Variants in B3GALT1 observed in about 807,000 individuals in gnomAD.
B3GALT1 encodes the protein beta-1,3-galactosyltransferase 1.
B3GALT1 carries 10 observed loss-of-function variants against 23.2 expected under a neutral mutation model. The ratio of observed to expected loss-of-function variants is 0.43; its 90% CI spans 0.27 to 0.73. The LOEUF is 0.73. Among genes scored for constraint, B3GALT1 ranks in the 30% least tolerant of loss-of-function variants. The pLI is 0.21. For missense variants in B3GALT1, 299 were observed against 405.4 expected (o/e 0.74, Z 2.25); for synonymous variants, 156 against 141.5 (o/e 1.10, Z -0.73).
At chr2:167,601,564 A>C (rs114013568) in intron 2 of B3GALT1, among the ~76,000 whole-genome samples, 1,845 of 152,334 alleles carry the variant, frequency 0.012, 46 homozygotes, top group African/African-American at 0.042. Flanking sequence ...TATGGTGTCC[A>C]TTTATTGACC....
intron 2 of B3GALT1, among the ~76,000 whole-genome samples, chr2:167,556,116 C>T (rs1029250581): frequency 6.6e-6 from 1 of 152,044 alleles, no homozygotes; most frequent in Non-Finnish European, 1.5e-5. Context: ...AATAAAGCAT[C>T]ACATTTTCAA....
chr2:167,722,986 TA>T (rs2105257565), intron 3 of B3GALT1, among the ~76,000 whole-genome samples: 1 of 152,316 alleles, frequency 6.6e-6, no homozygotes, highest in Admixed American at 6.5e-5. Flanking sequence ...TCCTTACAGG[TA>T]AAAATTCTAC....
At chr2:167,386,490 G>T (rs997340005) in intron 1 of B3GALT1, among the ~76,000 whole-genome samples, 5 of 152,100 alleles carry the variant, frequency 3.3e-5, no homozygotes, top group African/African-American at 7.2e-5. Flanking sequence ...TAACAATGCA[G>T]CTATCTCCTG....
chr2:167,845,697 A>G (rs906999890), intron 4 of B3GALT1, among the ~76,000 whole-genome samples: 1 of 151,426 alleles, frequency 6.6e-6, no homozygotes, highest in African/African-American at 2.4e-5. Context: ...GCTCTTTAAC[A>G]CCGCGCCCCC....
At chr2:167,792,946 C>T (rs1219558703) in intron 3 of B3GALT1, among the ~76,000 whole-genome samples, 2 of 150,900 alleles carry the variant, frequency 1.3e-5, no homozygotes, top group Non-Finnish European at 2.9e-5. Context: ...TGACTACTCA[C>T]TTATGTGGTT....
intron 3 of B3GALT1, among the ~76,000 whole-genome samples, chr2:167,789,965 C>G (rs1039431623): frequency 1.3e-5 from 2 of 152,138 alleles, no homozygotes; most frequent in African/African-American, 2.4e-5. Context: ...ACCACCACCC[C>G]GCAAAGACAG....
At chr2:167,700,273 T>C (rs1325614228) in intron 3 of B3GALT1, among the ~76,000 whole-genome samples, 1 of 152,170 alleles carries the variant, frequency 6.6e-6, no homozygotes, top group East Asian at 1.9e-4. Flanking sequence ...TGTATAGTTA[T>C]TGCCATATGA....
At chr2:167,402,472 C>T (rs1351330197) in intron 1 of B3GALT1, among the ~76,000 whole-genome samples, 1 of 152,080 alleles carries the variant, frequency 6.6e-6, no homozygotes, top group Non-Finnish European at 1.5e-5. Context: ...TGAACCTCTA[C>T]TCTGGTCTCA....
chr2:167,511,493 C>T (rs929456682), intron 2 of B3GALT1, among the ~76,000 whole-genome samples: 1 of 152,102 alleles, frequency 6.6e-6, no homozygotes, highest in African/African-American at 2.4e-5. Flanking sequence ...GCCTCCTGAG[C>T]CCTGTGGAAC....
intron 2 of B3GALT1, among the ~76,000 whole-genome samples, chr2:167,582,258 C>T (rs1162528781): frequency 6.6e-6 from 1 of 151,008 alleles, no homozygotes; most frequent in Non-Finnish European, 1.5e-5. Context: ...CACCCTGAAG[C>T]AAAAAAAAAT....
At chr2:167,365,228 A>G (rs1697568441) in intron 1 of B3GALT1, among the ~76,000 whole-genome samples, 1 of 152,138 alleles carries the variant, frequency 6.6e-6, no homozygotes. Context: ...CTCTTCATAG[A>G]TCAGAAACTG....
intron 2 of B3GALT1, among the ~76,000 whole-genome samples, chr2:167,537,825 CTT>C (rs530916294): frequency 2.6e-4 from 35 of 132,840 alleles, no homozygotes; most frequent in Admixed American, 3.1e-4. Context: ...GATGCTTGTT[CTT>C]TTTTTTTTTT....
chr2:167,839,870 C>T (rs796860924), intron 4 of B3GALT1, among the ~76,000 whole-genome samples: 8,323 of 151,852 alleles, frequency 0.055, 67 homozygotes, highest in South Asian at 0.077. Flanking sequence ...TCAGAAATAA[C>T]GCCGCATATC....
intron 1 of B3GALT1, among the ~76,000 whole-genome samples, chr2:167,423,620 G>A (rs981872793): frequency 2.0e-5 from 3 of 152,090 alleles, no homozygotes; most frequent in Non-Finnish European, 4.4e-5. Flanking sequence ...CTCATGATTT[G>A]TTGTCATTGT....
intron 2 of B3GALT1, among the ~76,000 whole-genome samples, chr2:167,546,625 G>T (rs1200324403): frequency 6.6e-6 from 1 of 152,020 alleles, no homozygotes; most frequent in Non-Finnish European, 1.5e-5. Context: ...TACACAAAGG[G>T]AATTGAACAG....
At chr2:167,369,585 A>T (rs897387749) in intron 1 of B3GALT1, among the ~76,000 whole-genome samples, 2 of 152,186 alleles carry the variant, frequency 1.3e-5, no homozygotes, top group African/African-American at 4.8e-5. Context: ...GAGTAAAAAT[A>T]TATACCTTAC....
intron 4 of B3GALT1, among the ~76,000 whole-genome samples, chr2:167,829,848 C>G (rs868564063): frequency 2.0e-5 from 3 of 151,980 alleles, no homozygotes; most frequent in Non-Finnish European, 4.4e-5. Flanking sequence ...CATAGCAGGG[C>G]GAGTGCTCCA....
chr2:167,825,616 T>C (rs1251982529), intron 4 of B3GALT1, among the ~76,000 whole-genome samples: 1 of 152,040 alleles, frequency 6.6e-6, no homozygotes, highest in Non-Finnish European at 1.5e-5. Context: ...AGCACCTTTT[T>C]CATTTTCACT....
In B3GALT1 at chr2:167,496,460, G is replaced by A. The variant is rs1318716380; in HGVS notation, c.-410+6183G>A. On this transcript the variant is annotated intron_variant, in intron 2 of 4. Coordinates refer to ENST00000392690, the MANE Select transcript of B3GALT1 (RefSeq NM_020981.4). ...TTAGCATGCTAATTGGCTAATTACC[G>A]TGAGAAGAAACTTAGACTAGGCTGT... Among the ~76,000 whole-genome samples the A allele has an allele frequency of 4.6e-5, 7 of 152,244 alleles. 1 individual carries two copies. In the South Asian group the frequency reaches 6.2e-4, roughly 14 times the overall value.
Sources: gnomAD v4.1 joint callset for allele counts (sites outside exome capture counted in the v4.1 genomes callset) on GRCh38, gnomAD v4.1.1 for gene constraint, MANE v1.5 for transcripts, NCBI Gene and HGNC (gene_info 2026-07-23, HGNC 2026-07-21) for gene names.